Variants in TBC1D22A observed in about 807,000 individuals in gnomAD.
TBC1D22A encodes TBC1 domain family member 22A, also known as putative GTPase activator.
A neutral mutation model predicts 60.2 loss-of-function variants in TBC1D22A; 38 were observed. That is an observed-to-expected ratio of 0.63 (90% confidence interval 0.49 to 0.83). The LOEUF (loss-of-function observed/expected upper bound fraction) is 0.83. TBC1D22A is among the 40% of genes least tolerant of loss of function. The pLI, the probability that TBC1D22A is intolerant of heterozygous loss-of-function variation, is 0.00. For missense variants in TBC1D22A, 628 were observed against 701.0 expected, an observed-to-expected ratio of 0.90 and a Z score of 1.18; for synonymous variants, 302 against 281.7, an observed-to-expected ratio of 1.07 and a Z score of -0.72.
chr22:46,889,077 T>G (rs1448397477), intron 5 of TBC1D22A, among the ~76,000 whole-genome samples: 2 of 152,168 alleles, frequency 1.3e-5, no homozygotes, highest in Admixed American at 1.3e-4. Context: ...TCATGAAACT[T>G]TAAGACCTTA....
intron 8 of TBC1D22A, among the ~76,000 whole-genome samples, chr22:46,974,005 T>G (rs1484249456): frequency 6.6e-6 from 1 of 152,262 alleles, no homozygotes. Flanking sequence ...TTTTCTCTCT[T>G]ATTAGAATGT....
At chr22:46,875,494 C>T (rs2067514164) in intron 4 of TBC1D22A, among the ~76,000 whole-genome samples, 1 of 152,074 alleles carries the variant, frequency 6.6e-6, no homozygotes, top group South Asian at 2.1e-4. Flanking sequence ...CACTCCCACC[C>T]AGACTGCGGT....
intron 4 of TBC1D22A, among the ~76,000 whole-genome samples, chr22:46,841,850 G>A (rs9627590): frequency 0.35 from 53,919 of 152,028 alleles, 10,205 homozygotes; most frequent in African/African-American, 0.51. Context: ...TACCACACAC[G>A]CACACAAGGT....
At chr22:46,942,065 C>G (rs185645602) in intron 8 of TBC1D22A, among the ~76,000 whole-genome samples, 2 of 146,414 alleles carry the variant, frequency 1.4e-5, no homozygotes, top group Non-Finnish European at 3.0e-5. Context: ...TTGAACAGCA[C>G]GGAGCCTGGG....
At chr22:46,911,744 CCT>C (rs1906412605) in intron 7 of TBC1D22A, among the ~76,000 whole-genome samples, 1 of 151,940 alleles carries the variant, frequency 6.6e-6, no homozygotes, top group Admixed American at 6.6e-5. Flanking sequence ...GTGGCGAAAC[CCT>C]GTGTGTACCA....
At chr22:47,045,064 C>T (rs954543827) in intron 11 of TBC1D22A, among the ~76,000 whole-genome samples, 2 of 152,190 alleles carry the variant, frequency 1.3e-5, no homozygotes, top group Non-Finnish European at 2.9e-5. Context: ...TCACATGGGG[C>T]GGTCTCTCCT....
Position 46,941,609 on chromosome 22 carries a change from C to CG in TBC1D22A, c.1015+29423dup, listed in dbSNP as rs2072104623. On this transcript the variant is annotated intron_variant, in intron 8 of 12. Transcript: ENST00000337137. The stretch of plus-strand genomic sequence containing the variant: ...AATATATATACGGAATATATATACG[C>CG]GGAATATATATACGGAATATATATA... Among the ~76,000 whole-genome samples, 3 of 137,576 alleles carry CG rather than the reference C, an allele frequency of 2.2e-5. No homozygotes were observed. In the East Asian group the frequency reaches 6.4e-4, roughly 29 times the overall value. 90.3% of individuals were successfully genotyped at this position (137,576 alleles called of 152,430 possible). A position where few individuals can be genotyped will look rare whatever the true frequency, so the allele number is the denominator to read the frequency against.
rs548702589 is a variant in TBC1D22A at position 47,045,829 on chromosome 22, TG to T, written c.1329+8632del. ...AGGAAGCTGCTGCTGTACGGATTGG[TG>T]TGGGGCTTGGTTTTGGTCCCAGAGT... On this transcript the variant is annotated intron_variant, in intron 11 of 12. Coordinates refer to ENST00000337137, the MANE Select transcript of TBC1D22A (RefSeq NM_014346.5). Among the ~76,000 whole-genome samples the T allele has an allele frequency of 2.3e-3, 355 of 152,236 alleles. 1 individual carries two copies. Among genetic ancestry groups the T allele is most frequent in the African/African-American group, 8.3e-3 (343 of 41,546 alleles).
intron 12 of TBC1D22A, among the ~76,000 whole-genome samples, chr22:47,143,918 A>G (rs56145009): frequency 0.26 from 40,299 of 152,208 alleles, 5,608 homozygotes; most frequent in Middle Eastern, 0.3. Flanking sequence ...CACTTACGGC[A>G]GGCCCGCTGC....
At position 47,174,398 on chromosome 22, in the gene TBC1D22A, C is replaced by A. The variant is rs1601773058; in HGVS notation, c.*772C>A. 1.3e-5 allele frequency: 2 copies of A among 152,304 alleles called. No homozygotes were observed. Among genetic ancestry groups the A allele is most frequent in the East Asian group, 3.9e-4 (2 of 5,182 alleles). The allele number at this position is 152,304 out of a possible 1,614,324, so 9.4% of individuals were successfully genotyped here. ...GCCCCGCCACGCAGGTAGGCGCCGG[C>A]CTCAGCCAGAGCCCCTGGAGGCCCA... is the stretch of plus-strand genomic sequence containing the variant. On this transcript the variant is annotated 3_prime_UTR_variant, in exon 13 of 13. Coordinates refer to ENST00000337137, the MANE Select transcript of TBC1D22A (RefSeq NM_014346.5).
chr22:46,830,801 A>G (rs2086274803), intron 4 of TBC1D22A, among the ~76,000 whole-genome samples: 1 of 152,232 alleles, frequency 6.6e-6, no homozygotes, highest in Non-Finnish European at 1.5e-5. Context: ...TGGCCTGGAA[A>G]AGTGCAGATA....
At chr22:47,045,630 T>C (rs2063006621) in intron 11 of TBC1D22A, among the ~76,000 whole-genome samples, 1 of 152,200 alleles carries the variant, frequency 6.6e-6, no homozygotes, top group South Asian at 2.1e-4. Context: ...TTTTGATGAC[T>C]CTTTTCTCCC....
At chr22:47,035,086 G>A (rs556827983) in intron 10 of TBC1D22A, among the ~76,000 whole-genome samples, 3 of 152,122 alleles carry the variant, frequency 2.0e-5, no homozygotes, top group Non-Finnish European at 4.4e-5. Context: ...TGTAGTCTGC[G>A]CCAGACCTCT....
At chr22:47,146,299 G>A (rs1306471609) in intron 12 of TBC1D22A, among the ~76,000 whole-genome samples, 1 of 152,224 alleles carries the variant, frequency 6.6e-6, no homozygotes, top group Non-Finnish European at 1.5e-5. Flanking sequence ...GTCCTTGGGT[G>A]GAATTGTTAA....
intron 11 of TBC1D22A, among the ~76,000 whole-genome samples, chr22:47,095,129 A>G (rs1212730384): frequency 1.3e-5 from 2 of 152,268 alleles, no homozygotes; most frequent in African/African-American, 4.8e-5. Context: ...TGTGCTCTGC[A>G]TTATGGGCTG....
At chr22:46,802,748 T>C (rs2084950572) in intron 4 of TBC1D22A, among the ~76,000 whole-genome samples, 1 of 150,122 alleles carries the variant, frequency 6.7e-6, no homozygotes, top group Non-Finnish European at 1.5e-5. Flanking sequence ...CCAGTGGCCA[T>C]GGACGACGTG....
chr22:46,864,193 T>C (rs753823738), intron 4 of TBC1D22A, among the ~76,000 whole-genome samples: 1 of 152,228 alleles, frequency 6.6e-6, no homozygotes, highest in Non-Finnish European at 1.5e-5. Flanking sequence ...AGAGAAGTTA[T>C]TTTGAAAAAC....
chr22:47,029,043 T>G (rs1226586905), intron 10 of TBC1D22A, among the ~76,000 whole-genome samples: 1 of 152,202 alleles, frequency 6.6e-6, no homozygotes, highest in African/African-American at 2.4e-5. Flanking sequence ...GTTTGATTAT[T>G]CATTAGAATG....
rs192356762 is a variant in TBC1D22A at position 46,955,127 on chromosome 22, T to G, written c.1016-19163T>G. On this transcript the variant is annotated intron_variant, in intron 8 of 12. Coordinates refer to ENST00000337137, the MANE Select transcript of TBC1D22A (RefSeq NM_014346.5). ...CCATTGCTATGCTGTGGGGTCATTA[T>G]GTGGTGGTAATGTTCAGCGTAGTGT... Among the ~76,000 whole-genome samples the G allele has an allele frequency of 3.6e-3, 553 of 152,322 alleles. 2 individuals are homozygous for G. The highest frequency in any genetic ancestry group is 0.024 in the Middle Eastern group (7 of 294).
Sources: gnomAD v4.1 joint callset for allele counts (sites outside exome capture counted in the v4.1 genomes callset) on GRCh38, gnomAD v4.1.1 for gene constraint, MANE v1.5 for transcripts, NCBI Gene and HGNC (gene_info 2026-07-23, HGNC 2026-07-21) for gene names.